RINT1: variants seen among roughly 807,000 people sequenced by gnomAD.
RINT1 encodes RAD50-interacting protein 1.
Under a neutral mutation model 97.7 loss-of-function variants are expected in RINT1, and 75 were observed. That is an observed-to-expected ratio of 0.77 (90% CI 0.64 to 0.93). The LOEUF (loss-of-function observed/expected upper bound fraction) is 0.93, where lower values mean the gene tolerates loss of function less well. Among genes scored for constraint, RINT1 ranks in the 40% least tolerant of loss-of-function variants. The pLI is 0.00. For synonymous variants in RINT1, 303 were observed against 326.3 expected (o/e 0.93, Z 0.77); for missense variants, 892 against 925.2 (o/e 0.96, Z 0.47).
chr7:105,567,216 G>A lies in RINT1; in HGVS notation c.2284G>A (p.Ala762Thr), dbSNP rs1791802783. The change falls in exon 15 of 15, where the codon GCA (alanine) becomes ACA (threonine). Residue 762 changes from alanine (A) to threonine (T), a missense_variant. Physicochemically the swap from Ala to Thr is moderately conservative, Grantham distance 58. Coordinates refer to ENST00000257700, the MANE Select transcript of RINT1 (RefSeq NM_021930.6). ...AGCTTCAGGGCAGCTTCCTGCCACA[G>A]CAGCATTAAATGAAGTTGGAATTTA... ...QSASGQLPAT[A>T]ALNEVGIYKL... is the part of the protein sequence containing the mutation. The A allele has an allele frequency of 6.2e-7, 1 of 1,613,200 alleles. No homozygotes were observed. Among genetic ancestry groups the A allele is most frequent in the Admixed American group, 1.7e-5 (1 of 59,824 alleles).
Position 105,554,437 on chromosome 7 carries a change from C to T in RINT1, c.1472-591C>T, listed in dbSNP as rs374024045. Among the ~76,000 whole-genome samples the T allele has an allele frequency of 5.5e-3, 806 of 146,494 alleles. 7 individuals are homozygous for T. Among genetic ancestry groups the T allele is most frequent in the African/African-American group, 0.019 (771 of 39,818 alleles). On this transcript the variant is annotated intron_variant, in intron 10 of 14. Transcript: ENST00000257700. The stretch of plus-strand genomic sequence containing the variant: ...GTTGAAGAAACTGTCATTTTTTTTT[C>T]TTTCTTTTTTTTTTTTTGTTAGATG...
chr7:105,534,115 G>T (rs1259531938), intron 2 of RINT1, among the ~76,000 whole-genome samples: 1 of 151,500 alleles, frequency 6.6e-6, no homozygotes, highest in Non-Finnish European at 1.5e-5. Context: ...CTGTCTCTCA[G>T]GCTGGAGTGC....
intron 7 of RINT1, among the ~76,000 whole-genome samples, chr7:105,549,353 AT>A (rs951217346): frequency 2.6e-4 from 37 of 142,898 alleles, no homozygotes; most frequent in Admixed American, 2.1e-4. Context: ...CAGACTAGCA[AT>A]TTTTTTTTTT....
At position 105,550,094 on chromosome 7, in the gene RINT1, A is replaced by C. The variant is rs1790859859; in HGVS notation, c.1036A>C (p.Asn346His). Residue 346 changes from asparagine to histidine, a missense_variant, in exon 8 of 15, where the codon AAC becomes CAC. Asn to His is a moderately conservative substitution (Grantham distance 68). Transcript: ENST00000257700. ...GGCTCAAGTACTTATGTGGATTGGA[A>C]ACCATACTGAATTTCTGGATGAGAA... ...YLAQVLMWIG[N>H]HTEFLDEKIQ... is the part of the protein sequence containing the mutation. The C allele has an allele frequency of 3.7e-6, 6 of 1,613,706 alleles. No individual in the cohort carries two copies. The South Asian group carries it at 6.6e-5, about 18-fold the overall frequency.
At chr7:105,565,228 A>G in intron 12 of RINT1, 49 bp from the exon 13 acceptor site, 1 of 1,532,670 alleles carries the variant, frequency 6.5e-7, no homozygotes, top group Non-Finnish European at 8.8e-7. Flanking sequence ...TAAAAACTTG[A>G]AAAATAGAAA....
At position 105,547,277 on chromosome 7, in the gene RINT1, GGA is replaced by G; in HGVS notation, c.786_787del (p.Glu262AspfsTer20). 6.2e-7 allele frequency: 1 copy of G among 1,614,098 alleles called. No individual in the cohort carries two copies. Among genetic ancestry groups the G allele is most frequent in the Non-Finnish European group, 8.5e-7 (1 of 1,179,996 alleles). On this transcript the variant is annotated frameshift_variant, in exon 6 of 15. Coordinates refer to ENST00000257700, the MANE Select transcript of RINT1 (RefSeq NM_021930.6). LOFTEE classifies it high-confidence loss of function. ...GCTTAAGTCGACCTGCCAGTGCCCC[GGA>G]GATATACAGTTACCTGGAGACACTG... ...VGLSRPASAPEIYSYLETLFC... is the reference protein window; with the variant it reads ...VGLSRPASAPXIYSYLETLFC...
rs761799563 is a variant in RINT1 at position 105,565,455 on chromosome 7, GAAGT to G, written c.2067+6_2067+9del. The G allele has an allele frequency of 2.2e-5, 35 of 1,613,542 alleles. No homozygotes were observed. Among genetic ancestry groups the G allele is most frequent in the Middle Eastern group, 1.6e-4 (1 of 6,080 alleles). On this transcript the variant is annotated splice_donor_variant and coding_sequence_variant, in exon 13 of 15. Transcript: ENST00000257700. LOFTEE classifies it high-confidence loss of function. ...GAAGCTGGATGTATACATCTACCAAGAAGTAAGTAAGAATAGACTGTTTTTGGGC... is the reference window on the plus strand; with the variant it reads ...GAAGCTGGATGTATACATCTACCAAGAAGTAAGAATAGACTGTTTTTGGGC...
At chr7:105,536,344 A>C (rs1790232004) in intron 2 of RINT1, among the ~76,000 whole-genome samples, 1 of 152,018 alleles carries the variant, frequency 6.6e-6, no homozygotes, top group Non-Finnish European at 1.5e-5. Flanking sequence ...TTTTTAGTAG[A>C]GACGGGATTT....
chr7:105,557,561 A>C (rs1016167570), intron 11 of RINT1, among the ~76,000 whole-genome samples: 7 of 152,190 alleles, frequency 4.6e-5, no homozygotes, highest in Non-Finnish European at 8.8e-5. Flanking sequence ...GAAAGCATTA[A>C]ATTTTAAATT....
chr7:105,546,510 A>G (rs1314926514), intron 4 of RINT1, among the ~76,000 whole-genome samples: 2 of 152,158 alleles, frequency 1.3e-5, no homozygotes, highest in South Asian at 4.1e-4. Context: ...CCTTGGATGT[A>G]ACTTTATATA....
intron 3 of RINT1, among the ~76,000 whole-genome samples, chr7:105,539,845 C>A (rs1338596486): frequency 6.6e-6 from 1 of 152,078 alleles, no homozygotes; most frequent in African/African-American, 2.4e-5. Flanking sequence ...TTGCATTAAT[C>A]CCACTGTTGA....
intron 3 of RINT1, among the ~76,000 whole-genome samples, chr7:105,540,870 C>G (rs538234960): frequency 6.8e-6 from 1 of 147,284 alleles, no homozygotes; most frequent in East Asian, 2.0e-4. Context: ...TGGAGTCTCG[C>G]TCTGTCACCC....
In RINT1 at chr7:105,550,429, A is replaced by G. The variant is rs755160836; in HGVS notation, c.1276A>G (p.Met426Val). The G allele has an allele frequency of 9.3e-6, 15 of 1,614,000 alleles. No homozygotes were observed. Among genetic ancestry groups the G allele is most frequent in the Admixed American group, 1.7e-5 (1 of 59,974 alleles). Residue 426 changes from methionine (M) to valine (V), a missense_variant, in exon 9 of 15, where the codon ATG (methionine) becomes GTG (valine). Met to Val is a conservative substitution (Grantham distance 21). Transcript: ENST00000257700. ...HGYPGTFASC[M>V]HILSEETCFQ... is the part of the protein sequence containing the mutation. ...CTATCCTGGCACTTTTGCTAGTTGTATGCATATTCTATCAGAGGAAACCTG... is the reference window on the plus strand; with the variant it reads ...CTATCCTGGCACTTTTGCTAGTTGTGTGCATATTCTATCAGAGGAAACCTG...
At chr7:105,547,440 TC>T in intron 6 of RINT1, 107 bp downstream of exon 6, 5 of 1,133,224 alleles carry the variant, frequency 4.4e-6, no homozygotes, top group Non-Finnish European at 6.4e-6. Flanking sequence ...CAAATAAGAA[TC>T]CTGTGTTTGG....
intron 11 of RINT1, among the ~76,000 whole-genome samples, chr7:105,558,941 C>T (rs945075111): frequency 1.3e-5 from 2 of 151,982 alleles, no homozygotes; most frequent in African/African-American, 4.8e-5. Flanking sequence ...GCCTGGGCAA[C>T]TCCCCCCGCC....
chr7:105,562,827 C>T lies in RINT1; in HGVS notation c.1672-906C>T, dbSNP rs61328564. ...CTGAGGCAGGAGAATCGCTTGAACCCGGGAGGCGGAGACTGCAGTCAGCCA... is the reference window on the plus strand; with the variant it reads ...CTGAGGCAGGAGAATCGCTTGAACCTGGGAGGCGGAGACTGCAGTCAGCCA... On this transcript the variant is annotated intron_variant, in intron 11 of 14. Transcript: ENST00000257700. 3.2e-3 allele frequency among the ~76,000 whole-genome samples: 492 copies of T among 152,200 alleles called. 3 individuals carry two copies. Among genetic ancestry groups the T allele is most frequent in the African/African-American group, 0.011 (464 of 41,524 alleles).
At chr7:105,543,137 G>A (rs1164291056) in intron 4 of RINT1, among the ~76,000 whole-genome samples, 2 of 152,046 alleles carry the variant, frequency 1.3e-5, no homozygotes, top group East Asian at 3.9e-4. Flanking sequence ...CTGTCCGCCA[G>A]CCTCGGCCGC....
rs1241302881 is a variant in RINT1, at chr7:105,532,352, G to A, written c.37G>A (p.Ala13Thr). The change falls in exon 1 of 15, where the codon GCC becomes ACC. Residue 13 changes from alanine (A) to threonine (T), a missense_variant. Transcript: ENST00000257700. ...CGGCGAGATCGGCGCCTCTCCTGCA[G>A]CCCCGGTGAGACGGCCCTGGCGTCC... is the stretch of plus-strand genomic sequence containing the variant. ...PAGEIGASPA[A>T]PCCSESGDER... 5.0e-6 allele frequency: 8 copies of A among 1,601,240 alleles called. No individual in the cohort carries two copies. Among genetic ancestry groups the A allele is most frequent in the Non-Finnish European group, 6.8e-6 (8 of 1,175,494 alleles).
At chr7:105,539,022 T>C (rs949968341) in intron 3 of RINT1, among the ~76,000 whole-genome samples, 2 of 152,240 alleles carry the variant, frequency 1.3e-5, no homozygotes, top group Non-Finnish European at 1.5e-5. Context: ...CCTTTGATTG[T>C]CAGGCTTCAG....
Sources: gnomAD v4.1 joint callset for allele counts (sites outside exome capture counted in the v4.1 genomes callset) on GRCh38, gnomAD v4.1.1 for gene constraint, MANE v1.5 for transcripts, NCBI Gene and HGNC (gene_info 2026-07-23, HGNC 2026-07-21) for gene names.